Variants in UGT2A1 observed in about 807,000 individuals in gnomAD.
The protein encoded by UGT2A1 is UDP-glucuronosyltransferase 2A1.
Under a neutral mutation model 45.4 loss-of-function variants are expected in UGT2A1, and 61 were observed. That is an observed-to-expected ratio of 1.34 (90% CI 1.09 to 1.66). The LOEUF (loss-of-function observed/expected upper bound fraction) is 1.66. Among genes scored for constraint, UGT2A1 ranks in the 40% most tolerant of loss-of-function variants. UGT2A1 has a pLI of 0.00. For missense variants in UGT2A1, 649 were observed against 574.3 expected, an observed-to-expected ratio of 1.13 and a Z score of -1.33; for synonymous variants, 229 against 196.2, an observed-to-expected ratio of 1.17 and a Z score of -1.40.
chr4:69,620,681 C>T (rs1720699503), intron 3 of UGT2A1, among the ~76,000 whole-genome samples: 1 of 148,878 alleles, frequency 6.7e-6, no homozygotes, highest in African/African-American at 2.5e-5. Context: ...CCACAAAAGC[C>T]AAGGCAATGC....
chr4:69,647,962 T>G (rs1288539507), intron 1 of UGT2A1, among the ~76,000 whole-genome samples: 1 of 151,834 alleles, frequency 6.6e-6, no homozygotes, highest in Non-Finnish European at 1.5e-5. Context: ...TTGTTACATT[T>G]TTACTATTAA....
intron 2 of UGT2A1, among the ~76,000 whole-genome samples, chr4:69,646,674 A>T (rs1381081512): frequency 2.0e-5 from 3 of 151,822 alleles, no homozygotes; most frequent in Non-Finnish European, 2.9e-5. Flanking sequence ...CCAACTTTTA[A>T]ATTGAAGTAT....
At chr4:69,589,886 T>C (rs1228586902) in intron 6 of UGT2A1, among the ~76,000 whole-genome samples, 1 of 152,128 alleles carries the variant, frequency 6.6e-6, no homozygotes, top group Non-Finnish European at 1.5e-5. Flanking sequence ...AAAAGTAGAG[T>C]AAGCCAGTTG....
At chr4:69,614,946 G>A (rs1434497135) in intron 3 of UGT2A1, among the ~76,000 whole-genome samples, 1 of 152,056 alleles carries the variant, frequency 6.6e-6, no homozygotes, top group African/African-American at 2.4e-5. Context: ...GGGGAAGCAA[G>A]CACATCTTCA....
At chr4:69,624,838 A>G (rs986828832) in intron 3 of UGT2A1, among the ~76,000 whole-genome samples, 1 of 151,402 alleles carries the variant, frequency 6.6e-6, no homozygotes, top group Middle Eastern at 3.4e-3. Flanking sequence ...AGTAATATTA[A>G]ATAACATTTT....
chr4:69,616,464 C>T (rs1221266888), intron 3 of UGT2A1, among the ~76,000 whole-genome samples: 6 of 151,842 alleles, frequency 4.0e-5, no homozygotes, highest in Non-Finnish European at 7.4e-5. Context: ...ACATTTTAAG[C>T]TTTCATCAAA....
chr4:69,602,210 C>T (rs1719335643), intron 3 of UGT2A1, among the ~76,000 whole-genome samples: 1 of 121,518 alleles, frequency 8.2e-6, no homozygotes. Flanking sequence ...TCATCTCAAG[C>T]AATAAAAACA....
chr4:69,591,269 A>G (rs1317695307), intron 6 of UGT2A1, among the ~76,000 whole-genome samples: 1 of 152,176 alleles, frequency 6.6e-6, no homozygotes, highest in Non-Finnish European at 1.5e-5. Flanking sequence ...CTTGGTTTTT[A>G]CATTTTAGGA....
At chr4:69,651,747 G>C (rs111575143) in intron 1 of UGT2A1, among the ~76,000 whole-genome samples, 214 of 152,256 alleles carry the variant, frequency 1.4e-3, no homozygotes, top group African/African-American at 4.7e-3. Context: ...GCCTGGGCAC[G>C]TGCATTAAGA....
In UGT2A1 at chr4:69,639,734, C is replaced by T. The variant is rs147019568; in HGVS notation, c.716-3912G>A. 6.5e-4 allele frequency: 802 copies of T among 1,241,110 alleles called. 1 individual carries two copies. Among genetic ancestry groups the T allele is most frequent in the Admixed American group, 1.0e-3 (32 of 31,080 alleles). The allele number at this position is 1,241,110 out of a possible 1,614,324, so 76.9% of individuals were successfully genotyped here. A position where few individuals can be genotyped will look rare whatever the true frequency, so the allele number is the denominator to read the frequency against. On this transcript the variant is annotated intron_variant, in intron 2 of 6. Transcript: ENST00000286604. ...TAATATTTAGTGCGATGGTTACACT[C>T]AGTCGTAGGTCAATTGATCTTTAGA...
At chr4:69,628,630 A>G (rs2109951216) in intron 3 of UGT2A1, among the ~76,000 whole-genome samples, 1 of 151,204 alleles carries the variant, frequency 6.6e-6, no homozygotes, top group East Asian at 1.9e-4. Context: ...TAGAAAACAG[A>G]ACTTTTTTGA....
intron 6 of UGT2A1, among the ~76,000 whole-genome samples, chr4:69,592,365 A>T (rs919688260): frequency 6.6e-6 from 1 of 152,216 alleles, no homozygotes; most frequent in Non-Finnish European, 1.5e-5. Context: ...TAACAGCCTG[A>T]TAACCACTTA....
At chr4:69,621,308 A>G (rs1446791701) in intron 3 of UGT2A1, among the ~76,000 whole-genome samples, 2 of 152,054 alleles carry the variant, frequency 1.3e-5, no homozygotes, top group Admixed American at 6.6e-5. Context: ...ACAAGAAAGA[A>G]ACAACCTCAT....
chr4:69,628,591 C>A (rs1721217503), intron 3 of UGT2A1, among the ~76,000 whole-genome samples: 1 of 151,066 alleles, frequency 6.6e-6, no homozygotes, highest in Admixed American at 6.6e-5. Flanking sequence ...CATCACTCTT[C>A]AAATTTGATG....
chr4:69,596,469 G>A (rs1718940085), intron 4 of UGT2A1: 6 of 1,369,326 alleles, frequency 4.4e-6, no homozygotes, highest in Non-Finnish European at 5.7e-6. Context: ...GTAAAATTAA[G>A]ATATATGTCA....
Position 69,594,711 on chromosome 4 carries a change from G to C in UGT2A1, c.1085-15C>G, listed in dbSNP as rs1257981705. 1.9e-6 allele frequency: 3 copies of C among 1,608,252 alleles called. No homozygotes were observed. The highest frequency in any genetic ancestry group is 1.7e-5 in the Admixed American group (1 of 59,128). On this transcript the variant is annotated splice_polypyrimidine_tract_variant and intron_variant, in intron 5 of 6. Coordinates refer to ENST00000286604, the MANE Select transcript of UGT2A1 (RefSeq NM_001252275.3). ...TTTGGGATGTCCTAATTTGAGGATG[G>C]AGTGAGAAGTGGGTGTGTAATAATA...
intron 6 of UGT2A1, among the ~76,000 whole-genome samples, chr4:69,590,905 G>A (rs1718561275): frequency 6.6e-6 from 1 of 151,938 alleles, no homozygotes; most frequent in Non-Finnish European, 1.5e-5. Flanking sequence ...AAATTACAAT[G>A]GTCTATTCAA....
chr4:69,607,779 C>G (rs970372726), intron 3 of UGT2A1, among the ~76,000 whole-genome samples: 3 of 152,138 alleles, frequency 2.0e-5, no homozygotes, highest in Non-Finnish European at 4.4e-5. Flanking sequence ...AGACACTTCT[C>G]AAAAGAAGAC....
intron 1 of UGT2A1, 49 bp downstream of exon 1, chr4:69,653,139 T>G (rs1454041846): frequency 6.6e-6 from 1 of 152,198 alleles, no homozygotes; most frequent in Non-Finnish European, 1.5e-5. Flanking sequence ...GAAAATAAAT[T>G]AAAATATACA....
Sources: allele counts gnomAD v4.1 joint callset (sites outside exome capture counted in the v4.1 genomes callset), GRCh38; gene constraint gnomAD v4.1.1; transcripts MANE v1.5; gene names NCBI Gene and HGNC (gene_info 2026-07-23, HGNC 2026-07-21).